STK32A: variants seen among roughly 807,000 people sequenced by gnomAD.
The protein encoded by STK32A is serine/threonine kinase 32A.
Under a neutral mutation model 53.2 loss-of-function variants are expected in STK32A, and 41 were observed. That is an observed-to-expected ratio of 0.77 (90% CI 0.60 to 1.00). STK32A has a LOEUF of 1.00. Ranked by LOEUF, STK32A falls within the 50% of genes least tolerant of loss-of-function variation. STK32A has a pLI of 0.00. For synonymous variants in STK32A, 166 were observed against 162.8 expected (o/e 1.02, Z -0.15); for missense variants, 458 against 485.8 (o/e 0.94, Z 0.54).
chr5:147,345,775 T>C (rs1406465967), intron 6 of STK32A, among the ~76,000 whole-genome samples: 1 of 152,156 alleles, frequency 6.6e-6, no homozygotes, highest in African/African-American at 2.4e-5. Context: ...AGAGTCTCAG[T>C]CTGCCCCTAT....
At chr5:147,285,491 G>A (rs908575901) in intron 4 of STK32A, among the ~76,000 whole-genome samples, 9 of 151,750 alleles carry the variant, frequency 5.9e-5, no homozygotes, top group East Asian at 1.9e-4. Context: ...CATGGCAAAC[G>A]GAAGTCAGCA....
At chr5:147,314,851 C>A (rs1354968019) in intron 4 of STK32A, among the ~76,000 whole-genome samples, 1 of 151,262 alleles carries the variant, frequency 6.6e-6, no homozygotes, top group Non-Finnish European at 1.5e-5. Flanking sequence ...CTCAAGTCAT[C>A]CTCCTGCCTC....
At chr5:147,397,686 G>A in the STK32A span, 11 of 1,614,020 alleles carry the variant, frequency 6.8e-6, no homozygotes, top group South Asian at 3.3e-5. Flanking sequence ...GCTTTAATGC[G>A]CTTGTAGACA....
At chr5:147,271,076 A>G (rs1417947412) in intron 2 of STK32A, among the ~76,000 whole-genome samples, 2 of 152,026 alleles carry the variant, frequency 1.3e-5, no homozygotes, top group East Asian at 1.9e-4. Context: ...GCTCACTGCA[A>G]TGTCCGCCTC....
chr5:147,332,363 T>C (rs1754912555), intron 5 of STK32A, among the ~76,000 whole-genome samples: 1 of 151,344 alleles, frequency 6.6e-6, no homozygotes, highest in African/African-American at 2.4e-5. Flanking sequence ...TTTTTTTTTA[T>C]ACCACTTCTC....
Position 147,384,265 on chromosome 5 carries a change from C to T in STK32A, c.*282C>T. 7.5e-7 allele frequency: 1 copy of T among 1,333,920 alleles called. No individual in the cohort carries two copies. Among genetic ancestry groups the T allele is most frequent in the East Asian group, 2.6e-5 (1 of 38,550 alleles). 82.6% of individuals were successfully genotyped at this position (1,333,920 alleles called of 1,614,324 possible). ...AATGAGAGGGTTATACTAGACGAGC[C>T]ATACCCTGCCTTTTTAGTGCTATAG... On this transcript the variant is annotated 3_prime_UTR_variant, in exon 13 of 13. Coordinates refer to ENST00000397936, the MANE Select transcript of STK32A (RefSeq NM_001112724.2).
At chr5:147,350,355 C>G (rs1029628076) in intron 6 of STK32A, among the ~76,000 whole-genome samples, 1 of 151,002 alleles carries the variant, frequency 6.6e-6, no homozygotes, top group East Asian at 2.0e-4. Context: ...TAATATTTGC[C>G]TCTTACTTTT....
chr5:147,329,667 C>T (rs6879511), intron 5 of STK32A, among the ~76,000 whole-genome samples: 6,788 of 152,264 alleles, frequency 0.045, 489 homozygotes, highest in African/African-American at 0.15. Flanking sequence ...ACACAATATG[C>T]TTAGTTGCGT....
intron 2 of STK32A, among the ~76,000 whole-genome samples, chr5:147,246,072 C>G (rs1367543848): frequency 1.3e-5 from 2 of 152,090 alleles, no homozygotes; most frequent in African/African-American, 4.8e-5. Flanking sequence ...TCCGACTTTC[C>G]CTTAGCAGCC....
At position 147,382,405 on chromosome 5, in the gene STK32A, T is replaced by C. The variant is rs1191215477; in HGVS notation, c.1033-1036T>C. 3.9e-5 allele frequency among the ~76,000 whole-genome samples: 6 copies of C among 152,270 alleles called. No individual in the cohort carries two copies. In the East Asian group the frequency reaches 9.7e-4, roughly 24 times the overall value. On this transcript the variant is annotated intron_variant, in intron 11 of 12. Coordinates refer to ENST00000397936, the MANE Select transcript of STK32A (RefSeq NM_001112724.2). ...TAAGATAGTTGTTTTGATGTCTTTA[T>C]CTAGTAGATCTACTGTTAGGTCTTT...
chr5:147,375,117 T>G lies in STK32A; in HGVS notation c.931T>G (p.Phe311Val). The change falls in exon 11 of 13, where the codon TTT (phenylalanine) becomes GTT (valine). Residue 311 changes from phenylalanine to valine, a missense_variant. By Grantham distance (50) the Phe-to-Val change is conservative. Transcript: ENST00000397936. ...AGGCAGGCTGAATTGTGATCCTACC[T>G]TTGAACTTGAGGAAATGATTTTGGA... Reference protein sequence around the residue: ...NKGRLNCDPTFELEEMILESK... With the variant: ...NKGRLNCDPTVELEEMILESK... 6.2e-7 allele frequency: 1 copy of G among 1,608,316 alleles called. No individual in the cohort carries two copies. Among genetic ancestry groups the G allele is most frequent in the South Asian group, 1.1e-5 (1 of 89,520 alleles).
intron 8 of STK32A, among the ~76,000 whole-genome samples, chr5:147,368,013 A>G (rs1756844800): frequency 1.3e-5 from 2 of 152,262 alleles, no homozygotes; most frequent in African/African-American, 2.4e-5. Flanking sequence ...ACAGAAAAGT[A>G]TATGTCTTAA....
chr5:147,333,325 T>A (rs533545956), intron 5 of STK32A, among the ~76,000 whole-genome samples: 21 of 152,332 alleles, frequency 1.4e-4, no homozygotes, highest in African/African-American at 4.6e-4. Flanking sequence ...TGTACGATGG[T>A]ATAGATATAT....
intron 6 of STK32A, among the ~76,000 whole-genome samples, chr5:147,349,445 T>A (rs1755852377): frequency 6.6e-6 from 1 of 152,148 alleles, no homozygotes; most frequent in South Asian, 2.1e-4. Context: ...TAAATGGAAA[T>A]GCCAACACTT....
chr5:147,339,550 G>A (rs886546429), intron 5 of STK32A, among the ~76,000 whole-genome samples: 2 of 152,198 alleles, frequency 1.3e-5, no homozygotes, highest in African/African-American at 4.8e-5. Flanking sequence ...ACACCAGAAT[G>A]GTAGCTCCAC....
the STK32A span, chr5:147,395,804 TAC>T: frequency 6.6e-7 from 1 of 1,511,096 alleles, no homozygotes; most frequent in Non-Finnish European, 9.0e-7. Flanking sequence ...TATTAGTGAA[TAC>T]AGTGTGTGGT....
chr5:147,246,085 G>T (rs2151940209), intron 2 of STK32A, among the ~76,000 whole-genome samples: 1 of 152,274 alleles, frequency 6.6e-6, no homozygotes, highest in South Asian at 2.1e-4. Context: ...TAGCAGCCTT[G>T]AGTAATGCTG....
intron 6 of STK32A, among the ~76,000 whole-genome samples, chr5:147,343,911 A>G (rs1755560713): frequency 6.6e-6 from 1 of 152,238 alleles, no homozygotes; most frequent in Non-Finnish European, 1.5e-5. Context: ...TGATAAGTGA[A>G]TGCTGAATTT....
At chr5:147,280,079 C>A (rs138107788) in intron 4 of STK32A, among the ~76,000 whole-genome samples, 2,508 of 152,172 alleles carry the variant, frequency 0.016, 125 homozygotes, top group Admixed American at 0.097. Context: ...GTGAAATACA[C>A]GGGGAGAAGA....
Sources: gnomAD v4.1 joint callset for allele counts (sites outside exome capture counted in the v4.1 genomes callset) on GRCh38, gnomAD v4.1.1 for gene constraint, MANE v1.5 for transcripts, NCBI Gene and HGNC (gene_info 2026-07-23, HGNC 2026-07-21) for gene names.